RFX4: variants seen among roughly 807,000 people sequenced by gnomAD.
RFX4 encodes the protein regulatory factor X4, also known as transcription factor RFX4.
In RFX4, 10 loss-of-function variants were observed where a neutral mutation model predicts 95.0. The ratio of observed to expected loss-of-function variants is 0.11; its 90% confidence interval spans 0.06 to 0.18. The LOEUF is 0.18. Ranked by LOEUF, RFX4 falls within the 10% of genes least tolerant of loss-of-function variation. The pLI is 1.00. For missense variants in RFX4, 640 were observed against 922.0 expected, an observed-to-expected ratio of 0.69 and a Z score of 3.96; for synonymous variants, 321 against 340.7, an observed-to-expected ratio of 0.94 and a Z score of 0.64.
rs920282362 is a variant in RFX4 at position 106,720,719 on chromosome 12, G to A, written c.1234-40G>A. 1.3e-6 allele frequency: 2 copies of A among 1,576,172 alleles called. No homozygotes were observed. The highest frequency in any genetic ancestry group is 1.7e-6 in the Non-Finnish European group (2 of 1,145,706). ...TCAAAGAGACAGTAATAAATGAAAGGTCAAGTCGACCACTATTAAAGCCAT... is the reference window on the plus strand; with the variant it reads ...TCAAAGAGACAGTAATAAATGAAAGATCAAGTCGACCACTATTAAAGCCAT... On this transcript the variant is annotated intron_variant, in intron 12 of 17. Coordinates refer to ENST00000392842, the MANE Select transcript of RFX4 (RefSeq NM_213594.3). The surrounding 1 kb of genome is among the most constrained non-coding windows in gnomAD (Gnocchi z 4.2).
intron 1 of RFX4, among the ~76,000 whole-genome samples, chr12:106,591,155 T>A (rs1163697774): frequency 6.6e-6 from 1 of 151,938 alleles, no homozygotes; most frequent in African/African-American, 2.4e-5. Flanking sequence ...CTTTTTTTCA[T>A]TAGGGAGAGG....
intron 2 of RFX4, among the ~76,000 whole-genome samples, chr12:106,626,067 T>C (rs916351060): frequency 6.6e-6 from 1 of 152,196 alleles, no homozygotes; most frequent in African/African-American, 2.4e-5. Flanking sequence ...TGCAAGGCCA[T>C]ATGTGATTGA....
At chr12:106,677,160 G>C (rs780633760) in intron 4 of RFX4, among the ~76,000 whole-genome samples, 24 of 152,198 alleles carry the variant, frequency 1.6e-4, no homozygotes, top group Non-Finnish European at 2.8e-4. Context: ...GGGTGAGCCT[G>C]ACTCCAAAGC....
chr12:106,725,409 G>A lies in RFX4; in HGVS notation c.1351+4533G>A, dbSNP rs1005491754. Reference sequence around the variant, plus strand: ...ATGTAAACATATTTAATTAACTATTGAATGTAATTTAAAAACTAAAAACTA... The same window carrying A: ...ATGTAAACATATTTAATTAACTATTAAATGTAATTTAAAAACTAAAAACTA... On this transcript the variant is annotated intron_variant, in intron 13 of 17. Transcript: ENST00000392842. 1.3e-4 allele frequency among the ~76,000 whole-genome samples: 20 copies of A among 152,098 alleles called. 1 individual carries two copies. The highest frequency in any genetic ancestry group is 7.9e-4 in the Admixed American group (12 of 15,282).
At chr12:106,659,972 G>A (rs530740795) in intron 4 of RFX4, among the ~76,000 whole-genome samples, 2 of 152,274 alleles carry the variant, frequency 1.3e-5, no homozygotes, top group Admixed American at 1.3e-4. Flanking sequence ...CTCAGCCTCT[G>A]TGTATCTCAG....
At chr12:106,684,806 C>T (rs754680958) in intron 5 of RFX4, 69 of 1,550,212 alleles carry the variant, frequency 4.5e-5, no homozygotes, top group Non-Finnish European at 5.7e-5. Context: ...GATAACCATA[C>T]TGGCAAAATG....
At position 106,715,384 on chromosome 12, in the gene RFX4, T is replaced by C. The variant is rs771353091; in HGVS notation, c.994-16T>C. 5 of 1,609,628 alleles carry C rather than the reference T, an allele frequency of 3.1e-6. No individual in the cohort carries two copies. Among genetic ancestry groups the C allele is most frequent in the Non-Finnish European group, 4.2e-6 (5 of 1,176,616 alleles). The stretch of plus-strand genomic sequence containing the variant: ...AACAACCCATGAGCTAACGAGTTGA[T>C]TGGATTGGATTATAGGCATCTCGAA... On this transcript the variant is annotated splice_polypyrimidine_tract_variant and intron_variant, in intron 10 of 17. Transcript: ENST00000392842.
intron 6 of RFX4, among the ~76,000 whole-genome samples, chr12:106,688,292 A>G (rs946371799): frequency 6.6e-6 from 1 of 151,942 alleles, no homozygotes; most frequent in African/African-American, 2.4e-5. Flanking sequence ...CTGGTCTCGA[A>G]CTTCTGACCT....
At chr12:106,711,050 A>G (rs1263609418) in intron 9 of RFX4, among the ~76,000 whole-genome samples, 2 of 152,208 alleles carry the variant, frequency 1.3e-5, no homozygotes, top group Non-Finnish European at 2.9e-5. Flanking sequence ...TATTAGACAT[A>G]CTACTTTTTA....
intron 11 of RFX4, among the ~76,000 whole-genome samples, chr12:106,716,836 C>T (rs1198054002): frequency 6.6e-6 from 1 of 152,064 alleles, no homozygotes; most frequent in Non-Finnish European, 1.5e-5. Flanking sequence ...TTATCACCCC[C>T]ACTTTACAGA....
At chr12:106,736,424 C>T (rs916512161) in intron 15 of RFX4, among the ~76,000 whole-genome samples, 1 of 152,140 alleles carries the variant, frequency 6.6e-6, no homozygotes, top group African/African-American at 2.4e-5. Flanking sequence ...CAGCAAACTT[C>T]CAGGTGATTT....
At chr12:106,712,614 T>G (rs1362751740) in intron 10 of RFX4, among the ~76,000 whole-genome samples, 4 of 152,056 alleles carry the variant, frequency 2.6e-5, no homozygotes, top group Admixed American at 6.6e-5. Context: ...ACCTCACTGC[T>G]CCTGTCCTGC....
intron 2 of RFX4, among the ~76,000 whole-genome samples, chr12:106,619,133 A>G (rs2040129672): frequency 6.6e-6 from 1 of 152,132 alleles, no homozygotes; most frequent in African/African-American, 2.4e-5. Context: ...TATTGTTTTA[A>G]GCAGTTAATA....
At position 106,704,065 on chromosome 12, in the gene RFX4, CAAAAAA is replaced by C. The variant is rs34213070; in HGVS notation, c.834-5244_834-5239del. The stretch of plus-strand genomic sequence containing the variant: ...TGGGTGACATAGCAAGACACTGTCT[CAAAAAA>C]AAAAAAAAAAAAAAAAAAAAGGCTG... On this transcript the variant is annotated intron_variant, in intron 8 of 17. Transcript: ENST00000392842. Among the ~76,000 whole-genome samples the C allele has an allele frequency of 4.9e-4, 20 of 40,964 alleles. No individual in the cohort carries two copies. The East Asian group carries it at 0.011, about 23-fold the overall frequency. 26.9% of individuals were successfully genotyped at this position (40,964 alleles called of 152,430 possible). A position where few individuals can be genotyped will look rare whatever the true frequency, so the allele number is the denominator to read the frequency against.
chr12:106,717,378 A>C (rs984028418), intron 11 of RFX4, among the ~76,000 whole-genome samples: 10 of 152,238 alleles, frequency 6.6e-5, no homozygotes, highest in Admixed American at 2.0e-4. Flanking sequence ...GGAAAAATAC[A>C]ATCAGTATTG....
At chr12:106,693,315 C>T (rs2041820490) in intron 7 of RFX4, among the ~76,000 whole-genome samples, 1 of 152,196 alleles carries the variant, frequency 6.6e-6, no homozygotes. Context: ...GATGGATCAG[C>T]CTTCCCAGTG....
rs539558944 is a variant in RFX4 at position 106,752,255 on chromosome 12, C to T, written c.1935+1462C>T. Among the ~76,000 whole-genome samples, 44 of 150,260 alleles carry T rather than the reference C, an allele frequency of 2.9e-4. No individual in the cohort carries two copies. In the South Asian group the frequency reaches 3.6e-3, roughly 12 times the overall value. ...CAAAGATCAGATAGTTGTAGATATG[C>T]GGCGTTATTTCTGAGGGCTCTGTTC... is the stretch of plus-strand genomic sequence containing the variant. On this transcript the variant is annotated intron_variant, in intron 17 of 17. Coordinates refer to ENST00000392842, the MANE Select transcript of RFX4 (RefSeq NM_213594.3).
chr12:106,608,664 C>A, intron 1 of RFX4, 133 bp from the exon 2 acceptor site: 1 of 836,602 alleles, frequency 1.2e-6, no homozygotes, highest in Non-Finnish European at 1.8e-6. Context: ...TGGGCAGATG[C>A]CACATGAATA....
At chr12:106,608,938 A>G in intron 2 of RFX4, 55 bp downstream of exon 2, 1 of 1,518,470 alleles carries the variant, frequency 6.6e-7, no homozygotes, top group Non-Finnish European at 9.0e-7. Flanking sequence ...CAATGTCCTG[A>G]TGGGAGGGTA....
Sources: allele counts gnomAD v4.1 joint callset (sites outside exome capture counted in the v4.1 genomes callset), GRCh38; gene constraint gnomAD v4.1.1; non-coding constraint Gnocchi (gnomAD v3.1); transcripts MANE v1.5; gene names NCBI Gene and HGNC (gene_info 2026-07-23, HGNC 2026-07-21).